MEP1A: variants seen among roughly 807,000 people sequenced by gnomAD.
MEP1A encodes meprin A subunit alpha.
In MEP1A, 68 loss-of-function variants were observed where a neutral mutation model predicts 84.5. The ratio of observed to expected loss-of-function variants is 0.80; its 90% CI spans 0.66 to 0.98. The LOEUF is 0.98. MEP1A is among the 50% of genes least tolerant of loss of function. The probability of loss-of-function intolerance (pLI) is 0.00; values close to 1 mark genes in which losing one functional copy is unlikely to be tolerated. For synonymous variants in MEP1A, 337 were observed against 336.8 expected (o/e 1.00, Z -0.01); for missense variants, 887 against 919.9 (o/e 0.96, Z 0.46).
Position 46,835,284 on chromosome 6 carries a change from A to G in MEP1A, c.1819A>G (p.Lys607Glu), listed in dbSNP as rs1350281373. ...CCTCAGCCAGACTGAAGTTCCCACTAAAGGCAAAAGACTGAGCCCCCAAGG... is the reference window on the plus strand; with the variant it reads ...CCTCAGCCAGACTGAAGTTCCCACTGAAGGCAAAAGACTGAGCCCCCAAGG... ...THLSQTEVPT[K>E]GKRLSPQGLI... The change falls in exon 13 of 14, where the codon AAA becomes GAA. Residue 607 changes from lysine (K) to glutamate (E), a missense_variant. Coordinates refer to ENST00000230588, the MANE Select transcript of MEP1A (RefSeq NM_005588.3). The G allele has an allele frequency of 6.2e-7, 1 of 1,603,454 alleles. No homozygotes were observed. Among genetic ancestry groups the G allele is most frequent in the African/African-American group, 1.3e-5 (1 of 74,616 alleles).
intron 12 of MEP1A, 112 bp downstream of exon 12, chr6:46,834,863 G>GATTCTCCTACAACACATTGT: frequency 1.3e-6 from 1 of 755,744 alleles, no homozygotes; most frequent in Non-Finnish European, 2.1e-6. Flanking sequence ...AAAACAATGT[G>GATTCTCCTACAACACATTGT]TTGTAGGAGA....
At chr6:46,822,962 T>A (rs547940492) in intron 7 of MEP1A, among the ~76,000 whole-genome samples, 1 of 152,306 alleles carries the variant, frequency 6.6e-6, no homozygotes, top group East Asian at 1.9e-4. Flanking sequence ...CTCTTTAAAA[T>A]TCCATTACCT....
chr6:46,829,284 A>C lies in MEP1A; in HGVS notation c.929-72A>C, dbSNP rs563882176. On this transcript the variant is annotated intron_variant, in intron 9 of 13. Coordinates refer to ENST00000230588, the MANE Select transcript of MEP1A (RefSeq NM_005588.3). ...GACAATGGCTGTGGTTCACTATTTC[A>C]CTTTGTTTGGGTGGACAGAACCCTG... is the stretch of plus-strand genomic sequence containing the variant. 14 of 1,276,126 alleles carry C rather than the reference A, an allele frequency of 1.1e-5. No homozygotes were observed. The African/African-American group carries it at 1.5e-4, about 14-fold the overall frequency. 79.1% of individuals were successfully genotyped at this position (1,276,126 alleles called of 1,614,324 possible).
intron 7 of MEP1A, among the ~76,000 whole-genome samples, chr6:46,820,166 T>A (rs1399760861): frequency 6.6e-6 from 1 of 152,162 alleles, no homozygotes; most frequent in Non-Finnish European, 1.5e-5. Flanking sequence ...AAAAAATGTT[T>A]AAAAACAAAA....
chr6:46,801,571 GT>G (rs1398589908), intron 5 of MEP1A, among the ~76,000 whole-genome samples: 3 of 151,784 alleles, frequency 2.0e-5, no homozygotes, highest in Non-Finnish European at 2.9e-5. Context: ...TTACCTATTT[GT>G]TTTTGTTTTT....
intron 13 of MEP1A, among the ~76,000 whole-genome samples, chr6:46,836,792 GAT>G: frequency 9.2e-6 from 1 of 108,986 alleles, no homozygotes; most frequent in South Asian, 3.6e-4. Flanking sequence ...ACTGGTCAGG[GAT>G]TTTTTTTTTT....
downstream of MEP1A, among the ~76,000 whole-genome samples, chr6:46,841,047 G>T (rs1416915021): frequency 2.0e-5 from 3 of 152,136 alleles, no homozygotes; most frequent in East Asian, 3.9e-4. Context: ...GCATGCTGTG[G>T]TCTGTCACAC....
At chr6:46,803,730 T>A (rs1767248626) in intron 5 of MEP1A, among the ~76,000 whole-genome samples, 1 of 124,526 alleles carries the variant, frequency 8.0e-6, no homozygotes, top group African/African-American at 3.1e-5. Flanking sequence ...ACATGGCTAC[T>A]AAAGCTATAA....
chr6:46,817,799 C>G (rs1767676416), intron 6 of MEP1A, among the ~76,000 whole-genome samples: 1 of 152,186 alleles, frequency 6.6e-6, no homozygotes, highest in Non-Finnish European at 1.5e-5. Flanking sequence ...TGTAAAAGCA[C>G]TGAATCTGGG....
At chr6:46,798,688 C>T (rs370675937) in intron 4 of MEP1A, 42 bp downstream of exon 4, 3 of 1,558,902 alleles carry the variant, frequency 1.9e-6, no homozygotes, top group African/African-American at 2.7e-5. Flanking sequence ...TCAGGACAGG[C>T]AGTACCACTG....
At chr6:46,805,417 C>G (rs1767290575) in intron 5 of MEP1A, among the ~76,000 whole-genome samples, 1 of 151,900 alleles carries the variant, frequency 6.6e-6, no homozygotes, top group Non-Finnish European at 1.5e-5. Context: ...ATGTTGACCT[C>G]CTTTAAAGTT....
At chr6:46,835,874 C>A (rs1768207093) in intron 13 of MEP1A, among the ~76,000 whole-genome samples, 1 of 152,196 alleles carries the variant, frequency 6.6e-6, no homozygotes, top group South Asian at 2.1e-4. Context: ...CTTTCTACTC[C>A]ATGAGGGTGG....
intron 13 of MEP1A, among the ~76,000 whole-genome samples, chr6:46,838,546 C>G (rs539532568): frequency 1.4e-4 from 21 of 152,322 alleles, no homozygotes; most frequent in African/African-American, 5.1e-4. Flanking sequence ...ACCACTGATG[C>G]TCTAAGTCGG....
chr6:46,817,471 G>C (rs577363046), intron 6 of MEP1A, among the ~76,000 whole-genome samples: 1 of 152,144 alleles, frequency 6.6e-6, no homozygotes, highest in Non-Finnish European at 1.5e-5. Flanking sequence ...ACACATTTTA[G>C]GGCCTCTCTG....
rs1478649606 is a variant in MEP1A, at chr6:46,819,685, G to A, written c.537G>A (p.Trp179Ter). The A allele has an allele frequency of 6.2e-7, 1 of 1,613,696 alleles. No homozygotes were observed. The highest frequency in any genetic ancestry group is 8.5e-7 in the Non-Finnish European group (1 of 1,179,902). The change falls in exon 7 of 14, where the codon TGG becomes TGA. Residue 179 changes from tryptophan (W) to a stop codon, truncating the protein, a stop_gained. Transcript: ENST00000230588. LOFTEE classifies it high-confidence loss of function. The part of the protein sequence containing the change: ...RTDRDDYVNI[W>*]WDQILSGYQH... Reference sequence around the variant, plus strand: ...ACCGGGATGATTATGTGAACATCTGGTGGGACCAAATTCTTTCAGGTGTGA... The same window carrying A: ...ACCGGGATGATTATGTGAACATCTGATGGGACCAAATTCTTTCAGGTGTGA...
At chr6:46,834,841 G>A (rs1768174978) in intron 12 of MEP1A, 90 bp downstream of exon 12, 1 of 979,876 alleles carries the variant, frequency 1.0e-6, no homozygotes, top group Non-Finnish European at 1.6e-6. Flanking sequence ...CACGGAGGGT[G>A]GGGATGAGGT....
Position 46,825,506 on chromosome 6 carries a change from G to A in MEP1A, c.778+13G>A. 1 of 1,578,644 alleles carries A rather than the reference G, an allele frequency of 6.3e-7. No individual in the cohort carries two copies. The highest frequency in any genetic ancestry group is 8.7e-7 in the Non-Finnish European group (1 of 1,152,146). ...ATGTACAATTGCAGTGAGTATCTCA[G>A]TTTCTGAGAACTTGGTAAACTAGCC... On this transcript the variant is annotated intron_variant, in intron 8 of 13. Coordinates refer to ENST00000230588, the MANE Select transcript of MEP1A (RefSeq NM_005588.3).
the MEP1A span, among the ~76,000 whole-genome samples, chr6:46,844,827 C>A: frequency 6.6e-6 from 1 of 152,182 alleles, no homozygotes; most frequent in Non-Finnish European, 1.5e-5. Context: ...TGTGTCCCCA[C>A]CCAAATCTCA....
At position 46,836,168 on chromosome 6, in the gene MEP1A, AT is replaced by A. The variant is rs1316014831; in HGVS notation, c.2084+622del. On this transcript the variant is annotated intron_variant, in intron 13 of 13. Transcript: ENST00000230588. ...AGTTGAAGCTTAGAAAGATTAAGTA[AT>A]TTATCTAAAATGTACCCAGATGGAA... 3.9e-5 allele frequency among the ~76,000 whole-genome samples: 6 copies of A among 152,166 alleles called. No homozygotes were observed. The East Asian group carries it at 9.6e-4, about 24-fold the overall frequency.
Sources: allele counts gnomAD v4.1 joint callset (sites outside exome capture counted in the v4.1 genomes callset), GRCh38; gene constraint gnomAD v4.1.1; transcripts MANE v1.5; gene names NCBI Gene and HGNC (gene_info 2026-07-23, HGNC 2026-07-21).